The following PCSK7 variants were observed in gnomAD, a reference collection of about 807,000 sequenced individuals.
PCSK7 encodes the protein lymphoma proprotein convertase.
A neutral mutation model predicts 73.3 loss-of-function variants in PCSK7; 38 were observed. The ratio of observed to expected loss-of-function variants is 0.52; its 90% CI spans 0.40 to 0.68. PCSK7 has a LOEUF of 0.68. PCSK7 is among the 30% of genes least tolerant of loss of function. The pLI, the probability that PCSK7 is intolerant of heterozygous loss-of-function variation, is 0.00. For missense variants in PCSK7, 692 were observed against 991.5 expected (o/e 0.70, Z 4.06); for synonymous variants, 296 against 383.8 (o/e 0.77, Z 2.68).
intron 12 of PCSK7, chr11:117,211,783 A>C (rs1434933646): frequency 2.6e-5 from 4 of 152,254 alleles, no homozygotes; most frequent in African/African-American, 7.2e-5. Flanking sequence ...CAGTGTTAAG[A>C]GCATGGGCTC....
rs189105011 is a variant in PCSK7 at position 117,226,125 on chromosome 11, C to T, written c.770-104G>A. On this transcript the variant is annotated intron_variant, in intron 5 of 16. Transcript: ENST00000320934. ...TGGGAGACTTATTTTTCCCTACATG[C>T]TCTTTGTACATTTTGCTTTTTTTTT... is the stretch of plus-strand genomic sequence containing the variant. 5.0e-4 allele frequency: 354 copies of T among 702,302 alleles called. 1 individual carries two copies. The African/African-American group carries it at 5.9e-3, about 12-fold the overall frequency. 43.5% of individuals were successfully genotyped at this position (702,302 alleles called of 1,614,324 possible). A position where few individuals can be genotyped will look rare whatever the true frequency, so the allele number is the denominator to read the frequency against.
chr11:117,229,895 G>A (rs187434102), intron 2 of PCSK7, 39 bp from the exon 3 acceptor site: 11 of 1,214,372 alleles, frequency 9.1e-6, no homozygotes, highest in Non-Finnish European at 1.2e-5. Flanking sequence ...AGATCAAAGA[G>A]CTGGTAACTG....
chr11:117,204,662 C>T lies in PCSK7; in HGVS notation c.*1335G>A, dbSNP rs920603615. Reference sequence around the variant, plus strand: ...GGGCTGGGGGTAGCCTGGATGTGGGCCAAGTCCACTGTCCTCCTTGGCGGC... The same window carrying T: ...GGGCTGGGGGTAGCCTGGATGTGGGTCAAGTCCACTGTCCTCCTTGGCGGC... On this transcript the variant is annotated 3_prime_UTR_variant, in exon 17 of 17. Coordinates refer to ENST00000320934, the MANE Select transcript of PCSK7 (RefSeq NM_004716.4). 6.2e-6 allele frequency: 3 copies of T among 483,242 alleles called. No individual in the cohort carries two copies. Among genetic ancestry groups the T allele is most frequent in the African/African-American group, 5.8e-5 (3 of 51,444 alleles). 29.9% of individuals were successfully genotyped at this position (483,242 alleles called of 1,614,324 possible). A position where few individuals can be genotyped will look rare whatever the true frequency, so the allele number is the denominator to read the frequency against.
chr11:117,206,056 G>GGGC lies in PCSK7; in HGVS notation c.2296_2298dup (p.Ala766dup). 1 of 1,426,976 alleles carries GGGC rather than the reference G, an allele frequency of 7.0e-7. No individual in the cohort carries two copies. The highest frequency in any genetic ancestry group is 9.7e-7 in the Non-Finnish European group (1 of 1,030,576). 88.4% of individuals were successfully genotyped at this position (1,426,976 alleles called of 1,614,324 possible). A position where few individuals can be genotyped will look rare whatever the true frequency, so the allele number is the denominator to read the frequency against. On this transcript the variant is annotated inframe_insertion, in exon 17 of 17. Coordinates refer to ENST00000320934, the MANE Select transcript of PCSK7 (RefSeq NM_004716.4). ...TCTAGGTGCTGATGAGGGCAGTCCAGGGCGCTCTTGTTCTGGGACAGGCTC... is the reference window on the plus strand; with the variant it reads ...TCTAGGTGCTGATGAGGGCAGTCCAGGGCGGCGCTCTTGTTCTGGGACAGGCTC...
intron 16 of PCSK7, 82 bp from the exon 17 acceptor site, chr11:117,206,438 A>C: frequency 6.5e-7 from 1 of 1,531,358 alleles, no homozygotes; most frequent in East Asian, 2.3e-5. Flanking sequence ...TGAGCTCAGA[A>C]AGTCTTTTTC....
chr11:117,227,295 A>G lies in PCSK7; in HGVS notation c.631T>C (p.Ser211Pro). 6.2e-7 allele frequency: 1 copy of G among 1,613,870 alleles called. No homozygotes were observed. Among genetic ancestry groups the G allele is most frequent in the Non-Finnish European group, 8.5e-7 (1 of 1,179,776 alleles). The change falls in exon 5 of 17, where the codon TCT (serine) becomes CCT (proline). Residue 211 changes from serine to proline, a missense_variant. Transcript: ENST00000320934. ...TGGGGCATGGGGTCAGGGTCATTAG[A>G]GTTGAGGTCATAGCTACCCTCAGGG... The part of the protein sequence containing the change: ...YSPEGSYDLN[S>P]NDPDPMPHPD...
intron 1 of PCSK7, 136 bp from the exon 2 acceptor site, chr11:117,230,604 A>T (rs942454636): frequency 6.6e-6 from 1 of 152,218 alleles, no homozygotes; most frequent in African/African-American, 2.4e-5. Context: ...TCGGTCATAG[A>T]CTGGAGCAGA....
intron 5 of PCSK7, chr11:117,226,913 A>T: frequency 2.2e-6 from 1 of 445,282 alleles, no homozygotes; most frequent in South Asian, 3.8e-5. Context: ...GGAAAAACCG[A>T]CAAGAAGGCA....
chr11:117,212,022 G>A (rs1236157045), intron 12 of PCSK7: 1 of 152,148 alleles, frequency 6.6e-6, no homozygotes, highest in African/African-American at 2.4e-5. Flanking sequence ...TCTTGAGAAA[G>A]CTGTTTAGAT....
At chr11:117,226,955 A>T (rs574043942) in intron 5 of PCSK7, 3 of 486,692 alleles carry the variant, frequency 6.2e-6, no homozygotes, top group African/African-American at 4.1e-5. Context: ...AAATAGAAAA[A>T]CATGTTTGAA....
At position 117,228,317 on chromosome 11, in the gene PCSK7, C is replaced by T. The variant is rs1428302956; in HGVS notation, c.502G>A (p.Val168Met). 8 of 1,614,102 alleles carry T rather than the reference C, an allele frequency of 5.0e-6. No homozygotes were observed. Among genetic ancestry groups the T allele is most frequent in the Non-Finnish European group, 5.1e-6 (6 of 1,179,954 alleles). ...NRRSPGRDIN[V>M]TGVWERNVTG... ...ACATTGCGTTCCCACACACCCGTCA[C>T]GTTGATGTCCCTGCCCGGGCTCCGT... The change falls in exon 4 of 17, where the codon GTG becomes ATG. Residue 168 changes from valine (V) to methionine (M), a missense_variant. Physicochemically the swap from Val to Met is conservative, Grantham distance 21 (BLOSUM62 1). Around this residue, in one of 6 missense-constraint regions of PCSK7, gnomAD observed 574 missense variants for 689.8 expected, o/e 0.83. Transcript: ENST00000320934.
At chr11:117,231,847 T>C (rs2032684747) in intron 1 of PCSK7, 180 bp downstream of exon 1, 1 of 152,306 alleles carries the variant, frequency 6.6e-6, no homozygotes, top group South Asian at 2.1e-4. Context: ...TGTGCCCCTC[T>C]CCTCATTAGC....
At chr11:117,227,065 A>T in intron 5 of PCSK7, 92 bp downstream of exon 5, 1 of 1,037,192 alleles carries the variant, frequency 9.6e-7, no homozygotes, top group African/African-American at 1.6e-5. Flanking sequence ...GGGCTATGGG[A>T]TAAAGATGTT....
chr11:117,230,160 C>T (rs2032589094), intron 2 of PCSK7, 189 bp downstream of exon 2: 1 of 320,616 alleles, frequency 3.1e-6, no homozygotes, highest in Non-Finnish European at 5.8e-6. Context: ...CTGCGAGCAA[C>T]CCCTGTTGCC....
chr11:117,204,426 C>G lies in PCSK7; in HGVS notation c.*1571G>C. 1 of 1,609,390 alleles carries G rather than the reference C, an allele frequency of 6.2e-7. No individual in the cohort carries two copies. The highest frequency in any genetic ancestry group is 8.5e-7 in the Non-Finnish European group (1 of 1,177,320). ...CTTGGCTGCAGCCATCCCGCTTAGC[C>G]TGCCTCACCCACACCCGTGTGGTAC... is the stretch of plus-strand genomic sequence containing the variant. On this transcript the variant is annotated 3_prime_UTR_variant, in exon 17 of 17. Coordinates refer to ENST00000320934, the MANE Select transcript of PCSK7 (RefSeq NM_004716.4).
intron 6 of PCSK7, chr11:117,225,558 C>T (rs943475699): frequency 4.1e-6 from 1 of 241,518 alleles, no homozygotes; most frequent in South Asian, 8.5e-5. Flanking sequence ...CCTTCTTGTC[C>T]AGTCCAGCAC....
chr11:117,210,292 CAAAA>C (rs1335378800), intron 12 of PCSK7: 2 of 149,372 alleles, frequency 1.3e-5, no homozygotes, highest in African/African-American at 2.5e-5. Context: ...AAAACAAAAA[CAAAA>C]AACTACTGAA....
At chr11:117,226,071 C>T (rs761894940) in intron 5 of PCSK7, 50 bp from the exon 6 acceptor site, 12 of 1,045,170 alleles carry the variant, frequency 1.1e-5, no homozygotes, top group South Asian at 5.0e-5. Flanking sequence ...GTCTCCTAGC[C>T]GGGGAACTGG....
chr11:117,215,019 A>G (rs913006712), intron 12 of PCSK7: 2 of 152,168 alleles, frequency 1.3e-5, no homozygotes, highest in Non-Finnish European at 2.9e-5. Context: ...CGTCAGATCT[A>G]AAAACCCCAA....
Sources: allele counts gnomAD v4.1 joint callset, GRCh38; gene constraint gnomAD v4.1.1; regional missense constraint gnomAD v4.1.1; transcripts MANE v1.5; gene names NCBI Gene and HGNC (gene_info 2026-07-23, HGNC 2026-07-21).